The following CREB5 variants were observed in gnomAD, a reference collection of about 807,000 sequenced individuals.
CREB5 encodes cAMP responsive element binding protein 5, also known as cyclic AMP-responsive element-binding protein 5.
A neutral mutation model predicts 57.1 loss-of-function variants in CREB5; 19 were observed. That is an observed-to-expected ratio of 0.33 (90% confidence interval 0.23 to 0.49). The LOEUF is 0.49. Ranked by LOEUF, CREB5 falls within the 20% of genes least tolerant of loss-of-function variation. The pLI, the probability that CREB5 is intolerant of heterozygous loss-of-function variation, is 0.99. For missense variants in CREB5, 579 were observed against 671.6 expected, an observed-to-expected ratio of 0.86 and a Z score of 1.52; for synonymous variants, 238 against 238.3, an observed-to-expected ratio of 1.00 and a Z score of 0.01.
chr7:28,588,355 T>G (rs1035032241), intron 5 of CREB5, among the ~76,000 whole-genome samples: 4 of 152,088 alleles, frequency 2.6e-5, no homozygotes, highest in African/African-American at 9.7e-5. Flanking sequence ...TCCACATAGG[T>G]TTTAAGTCTG....
chr7:28,390,388 C>CT (rs1036557243), intron 1 of CREB5, among the ~76,000 whole-genome samples: 1 of 152,170 alleles, frequency 6.6e-6, no homozygotes, highest in Non-Finnish European at 1.5e-5. Context: ...TTATTTCACT[C>CT]TTTTTAAAAA....
intron 3 of CREB5, among the ~76,000 whole-genome samples, chr7:28,503,370 C>G (rs2128604324): frequency 6.6e-6 from 1 of 152,268 alleles, no homozygotes; most frequent in Non-Finnish European, 1.5e-5. Context: ...GCATTACAAT[C>G]CTACTGACTC....
intron 5 of CREB5, among the ~76,000 whole-genome samples, chr7:28,574,445 T>C (rs1430517939): frequency 6.6e-6 from 1 of 152,216 alleles, no homozygotes; most frequent in Non-Finnish European, 1.5e-5. Flanking sequence ...AAGACATTTT[T>C]GTAGGAGTCA....
At chr7:28,456,844 G>A (rs546108696) in intron 1 of CREB5, among the ~76,000 whole-genome samples, 1 of 152,214 alleles carries the variant, frequency 6.6e-6, no homozygotes, top group Non-Finnish European at 1.5e-5. Context: ...TTTGGCAACA[G>A]CCAGAACAAG....
chr7:28,708,766 T>C lies in CREB5; in HGVS notation c.465-9987T>C, dbSNP rs190692130. On this transcript the variant is annotated intron_variant, in intron 5 of 10. Transcript: ENST00000357727. ...ATACACTAACTGACAAGCTCAAACC[T>C]AAACAGAATTGCTGACTTGGAGCTC... Among the ~76,000 whole-genome samples the C allele has an allele frequency of 2.8e-3, 429 of 152,302 alleles. 1 individual carries two copies. The highest frequency in any genetic ancestry group is 8.0e-3 in the Admixed American group (123 of 15,302).
chr7:28,380,897 A>G (rs918825568), intron 1 of CREB5, among the ~76,000 whole-genome samples: 5 of 152,232 alleles, frequency 3.3e-5, no homozygotes, highest in Non-Finnish European at 7.3e-5. Flanking sequence ...GAAAATACCC[A>G]GCACAGCAAT....
intron 7 of CREB5, among the ~76,000 whole-genome samples, chr7:28,727,470 G>T (rs1294801999): frequency 6.6e-6 from 1 of 152,156 alleles, no homozygotes; most frequent in Non-Finnish European, 1.5e-5. Context: ...AAAGGAAGGG[G>T]TAGGGGAAAT....
chr7:28,494,464 A>C (rs1424675612), intron 2 of CREB5, among the ~76,000 whole-genome samples: 1 of 152,184 alleles, frequency 6.6e-6, no homozygotes, highest in Non-Finnish European at 1.5e-5. Context: ...TTTAAAGTGC[A>C]AACCCATAGC....
chr7:28,391,102 G>A (rs961413452), intron 1 of CREB5, among the ~76,000 whole-genome samples: 2 of 152,024 alleles, frequency 1.3e-5, no homozygotes, highest in Non-Finnish European at 2.9e-5. Flanking sequence ...TTGGCTATTC[G>A]TTTCTTAGTT....
chr7:28,688,091 A>G (rs1161955442), intron 5 of CREB5, among the ~76,000 whole-genome samples: 4 of 152,230 alleles, frequency 2.6e-5, no homozygotes, highest in African/African-American at 9.6e-5. Flanking sequence ...ATGAATTAGT[A>G]CTTGAAATGA....
chr7:28,745,003 A>G (rs1804612335), intron 7 of CREB5, among the ~76,000 whole-genome samples: 1 of 152,230 alleles, frequency 6.6e-6, no homozygotes, highest in Non-Finnish European at 1.5e-5. Context: ...AGAGGTGCCC[A>G]GGGTACAAAT....
chr7:28,457,884 G>C (rs1231367825), intron 1 of CREB5, among the ~76,000 whole-genome samples: 1 of 152,164 alleles, frequency 6.6e-6, no homozygotes, highest in East Asian at 1.9e-4. Flanking sequence ...TTTGCAATGG[G>C]AGCCCAACAT....
intron 1 of CREB5, among the ~76,000 whole-genome samples, chr7:28,351,755 A>G (rs773194569): frequency 6.2e-5 from 9 of 146,230 alleles, no homozygotes; most frequent in South Asian, 2.3e-4. Flanking sequence ...ATATTTTGTT[A>G]TAATTATGGT....
intron 8 of CREB5, among the ~76,000 whole-genome samples, chr7:28,807,737 C>A (rs1562654900): frequency 6.6e-6 from 1 of 151,240 alleles, no homozygotes. Flanking sequence ...TCTTGTAAAA[C>A]AACTTTATAG....
chr7:28,471,219 A>G (rs1790790774), intron 1 of CREB5, among the ~76,000 whole-genome samples: 1 of 152,114 alleles, frequency 6.6e-6, no homozygotes, highest in African/African-American at 2.4e-5. Flanking sequence ...TTAGATTTAA[A>G]TCTTTAATCC....
intron 1 of CREB5, among the ~76,000 whole-genome samples, chr7:28,430,944 G>C (rs920994559): frequency 6.6e-6 from 1 of 152,038 alleles, no homozygotes; most frequent in Admixed American, 6.6e-5. Flanking sequence ...TGGTATTGCA[G>C]GCCTTAGGTG....
chr7:28,519,732 TATACA>T (rs1793126685), intron 4 of CREB5, among the ~76,000 whole-genome samples: 1 of 152,262 alleles, frequency 6.6e-6, no homozygotes, highest in African/African-American at 2.4e-5. Context: ...GTGCTGCACT[TATACA>T]ATGTACTGGT....
At chr7:28,707,897 C>T (rs1395614947) in intron 5 of CREB5, among the ~76,000 whole-genome samples, 2 of 152,190 alleles carry the variant, frequency 1.3e-5, no homozygotes, top group Non-Finnish European at 2.9e-5. Flanking sequence ...TAATGTCTCC[C>T]CCATGGGCTA....
In CREB5 at chr7:28,560,841, T is replaced by TGCGTGTGTGTGCGCGCGTGC. The variant is rs1562797105; in HGVS notation, c.292-9523_292-9522insCGTGTGTGTGCGCGCGTGCG. On this transcript the variant is annotated intron_variant, in intron 4 of 10. Coordinates refer to ENST00000357727, the MANE Select transcript of CREB5 (RefSeq NM_182898.4). ...GTGTGTGCGCGCGCGCGCGTGTGTG[T>TGCGTGTGTGTGCGCGCGTGC]GTGCGCGTGTGTGTGTGCGTGTGCC... 5.1e-4 allele frequency among the ~76,000 whole-genome samples: 38 copies of TGCGTGTGTGTGCGCGCGTGC among 75,112 alleles called. 1 individual carries two copies. The highest frequency in any genetic ancestry group is 1.7e-3 in the East Asian group (4 of 2,300). The allele number at this position is 75,112 out of a possible 152,430, so 49.3% of individuals were successfully genotyped here.
Sources: gnomAD v4.1 joint callset for allele counts (sites outside exome capture counted in the v4.1 genomes callset) on GRCh38, gnomAD v4.1.1 for gene constraint, MANE v1.5 for transcripts, NCBI Gene and HGNC (gene_info 2026-07-23, HGNC 2026-07-21) for gene names.